TNKS: variants seen among roughly 807,000 people sequenced by gnomAD.
TNKS encodes the protein tankyrase.
In TNKS, 72 loss-of-function variants were observed where a neutral mutation model predicts 135.8. The ratio of observed to expected loss-of-function variants is 0.53; its 90% CI spans 0.44 to 0.64. The LOEUF is 0.64. Ranked by LOEUF, TNKS falls within the 30% of genes least tolerant of loss-of-function variation. The pLI is 0.00. For synonymous variants in TNKS, 849 were observed against 649.3 expected (o/e 1.31, Z -4.68); for missense variants, 1,769 against 1,674.0 (o/e 1.06, Z -0.99).
Position 9,557,827 on chromosome 8 carries a change from A to G in TNKS, c.673+1215A>G, listed in dbSNP as rs531269443. ...GATTAACCATTTTACAGATGACAAA[A>G]GTGAAGCATATATCGATCGCTTAAA... is the stretch of plus-strand genomic sequence containing the variant. On this transcript the variant is annotated intron_variant, in intron 1 of 26. Transcript: ENST00000310430. The G allele has an allele frequency of 1.1e-4, 16 of 152,310 alleles. No homozygotes were observed. The East Asian group carries it at 2.5e-3, about 24-fold the overall frequency. 9.4% of individuals were successfully genotyped at this position (152,310 alleles called of 1,614,324 possible).
rs567647438 is a variant in TNKS at position 9,746,540 on chromosome 8, C to T, written c.2644-1484C>T. The stretch of plus-strand genomic sequence containing the variant: ...AGGATTTTTCTTCCACTCTCCTTTT[C>T]CAAAATATTGTTGTTTTCAAGGTTT... On this transcript the variant is annotated intron_variant, in intron 17 of 26. Coordinates refer to ENST00000310430, the MANE Select transcript of TNKS (RefSeq NM_003747.3). Among the ~76,000 whole-genome samples the T allele has an allele frequency of 3.1e-4, 47 of 152,224 alleles. No individual in the cohort carries two copies. The East Asian group carries it at 5.4e-3, about 18-fold the overall frequency.
chr8:9,709,728 C>G (rs1219783694), intron 9 of TNKS, among the ~76,000 whole-genome samples: 1 of 152,226 alleles, frequency 6.6e-6, no homozygotes, highest in African/African-American at 2.4e-5. Flanking sequence ...AATAAGATCT[C>G]TCTTAATGTT....
intron 2 of TNKS, among the ~76,000 whole-genome samples, chr8:9,604,205 TG>T (rs1799132537): frequency 6.6e-6 from 1 of 152,150 alleles, no homozygotes; most frequent in Non-Finnish European, 1.5e-5. Context: ...CACTGTACAT[TG>T]AGCTCATCAT....
chr8:9,731,097 T>G, intron 14 of TNKS, 62 bp downstream of exon 14: 1 of 1,441,658 alleles, frequency 6.9e-7, no homozygotes, highest in African/African-American at 1.5e-5. Flanking sequence ...ATTTAAAATA[T>G]TTTTGAAGTC....
intron 21 of TNKS, among the ~76,000 whole-genome samples, chr8:9,762,224 C>A (rs1309449695): frequency 6.6e-6 from 1 of 152,028 alleles, no homozygotes; most frequent in Non-Finnish European, 1.5e-5. Context: ...CTGTTTTTAC[C>A]CATTTCTCTA....
chr8:9,590,640 G>A (rs898090991), intron 2 of TNKS, among the ~76,000 whole-genome samples: 4 of 152,070 alleles, frequency 2.6e-5, no homozygotes, highest in Non-Finnish European at 5.9e-5. Context: ...ACCTCAGTGT[G>A]GTTTTAATTG....
At chr8:9,667,635 T>A (rs1273138690) in intron 3 of TNKS, among the ~76,000 whole-genome samples, 1 of 152,226 alleles carries the variant, frequency 6.6e-6, no homozygotes, top group Admixed American at 6.5e-5. Context: ...GTCATTGATT[T>A]ACAAAACGTC....
At chr8:9,600,052 G>A (rs1798953041) in intron 2 of TNKS, among the ~76,000 whole-genome samples, 1 of 152,114 alleles carries the variant, frequency 6.6e-6, no homozygotes, top group Non-Finnish European at 1.5e-5. Context: ...GCATAGGCTT[G>A]TTTTGTCCTA....
intron 3 of TNKS, among the ~76,000 whole-genome samples, chr8:9,620,537 C>T (rs1459779198): frequency 6.6e-6 from 1 of 152,160 alleles, no homozygotes; most frequent in African/African-American, 2.4e-5. Flanking sequence ...GAATAAAATT[C>T]AGATTCTTTA....
At chr8:9,596,040 G>A (rs1798774797) in intron 2 of TNKS, among the ~76,000 whole-genome samples, 1 of 152,156 alleles carries the variant, frequency 6.6e-6, no homozygotes, top group Admixed American at 6.5e-5. Context: ...TGAGTGGGGA[G>A]GTACAGGTTG....
At chr8:9,604,758 G>GTGTA (rs1165789597) in intron 2 of TNKS, among the ~76,000 whole-genome samples, 2 of 151,572 alleles carry the variant, frequency 1.3e-5, no homozygotes, top group African/African-American at 4.8e-5. Context: ...ATATGTATGT[G>GTGTA]TGTATGTATA....
chr8:9,601,568 C>T (rs567016245), intron 2 of TNKS, among the ~76,000 whole-genome samples: 2 of 152,076 alleles, frequency 1.3e-5, no homozygotes, highest in Non-Finnish European at 1.5e-5. Flanking sequence ...AGGGGAATGT[C>T]TGGGAGACAG....
chr8:9,588,179 T>A (rs1252250346), intron 2 of TNKS, among the ~76,000 whole-genome samples: 1 of 152,156 alleles, frequency 6.6e-6, no homozygotes, highest in East Asian at 1.9e-4. Context: ...AGAGTCCTTG[T>A]CCTTATACAC....
chr8:9,625,168 G>C (rs1800010341), intron 3 of TNKS, among the ~76,000 whole-genome samples: 2 of 151,988 alleles, frequency 1.3e-5, no homozygotes, highest in Non-Finnish European at 2.9e-5. Flanking sequence ...TGTCTTTCAA[G>C]GAATTGGTCA....
At chr8:9,750,881 C>T (rs934990374) in intron 18 of TNKS, among the ~76,000 whole-genome samples, 1 of 152,212 alleles carries the variant, frequency 6.6e-6, no homozygotes, top group Non-Finnish European at 1.5e-5. Context: ...CAGGGCTCTC[C>T]CTGCATAGGA....
At chr8:9,628,110 A>T (rs1388469018) in intron 3 of TNKS, among the ~76,000 whole-genome samples, 1 of 152,112 alleles carries the variant, frequency 6.6e-6, no homozygotes, top group Non-Finnish European at 1.5e-5. Flanking sequence ...ACTGGTTTAT[A>T]TCCATCTGCT....
chr8:9,559,593 C>CG (rs386412027), intron 1 of TNKS, among the ~76,000 whole-genome samples: 3 of 77,110 alleles, frequency 3.9e-5, no homozygotes, highest in African/African-American at 6.2e-5. Context: ...TTTTCAGCCT[C>CG]CCCCATCCCT....
At chr8:9,658,715 A>G (rs531122887) in intron 3 of TNKS, among the ~76,000 whole-genome samples, 1 of 152,334 alleles carries the variant, frequency 6.6e-6, no homozygotes, top group South Asian at 2.1e-4. Flanking sequence ...TAATGACAGG[A>G]TCAAATTCAC....
intron 12 of TNKS, among the ~76,000 whole-genome samples, chr8:9,721,298 T>TTA (rs60138689): frequency 0.23 from 26,803 of 118,106 alleles, 3,749 homozygotes; most frequent in East Asian, 0.3. Context: ...AATAAATAAA[T>TTA]TATATATATA....
Sources: allele counts gnomAD v4.1 joint callset (sites outside exome capture counted in the v4.1 genomes callset), GRCh38; gene constraint gnomAD v4.1.1; transcripts MANE v1.5; gene names NCBI Gene and HGNC (gene_info 2026-07-23, HGNC 2026-07-21).